The following FSTL4 variants were observed in gnomAD, a reference collection of about 807,000 sequenced individuals.
FSTL4 encodes the protein follistatin like 4.
A neutral mutation model predicts 78.2 loss-of-function variants in FSTL4; 28 were observed. That is an observed-to-expected ratio of 0.36 (90% CI 0.27 to 0.49). The LOEUF is 0.49. Among genes scored for constraint, FSTL4 ranks in the 20% least tolerant of loss-of-function variants. The pLI is 0.98. For synonymous variants in FSTL4, 422 were observed against 440.5 expected, an observed-to-expected ratio of 0.96 and a Z score of 0.53; for missense variants, 922 against 1,084.9, an observed-to-expected ratio of 0.85 and a Z score of 2.11.
chr5:133,476,490 C>T (rs1757927228), intron 3 of FSTL4, among the ~76,000 whole-genome samples: 1 of 152,164 alleles, frequency 6.6e-6, no homozygotes, highest in African/African-American at 2.4e-5. Context: ...AAGTTTGTTC[C>T]TCCAATCCCC....
intron 3 of FSTL4, among the ~76,000 whole-genome samples, chr5:133,430,300 T>C (rs1052536122): frequency 2.6e-5 from 4 of 152,228 alleles, no homozygotes; most frequent in African/African-American, 9.6e-5. Flanking sequence ...TGCTCCAGTT[T>C]GAGTGGCCCT....
chr5:133,328,392 CCT>C (rs1423245740), intron 4 of FSTL4, among the ~76,000 whole-genome samples: 1 of 152,168 alleles, frequency 6.6e-6, no homozygotes, highest in African/African-American at 2.4e-5. Flanking sequence ...CATTTACAAT[CCT>C]CTCTTTTATT....
At chr5:133,761,877 C>A in the FSTL4 span, among the ~76,000 whole-genome samples, 1 of 152,264 alleles carries the variant, frequency 6.6e-6, no homozygotes, top group East Asian at 1.9e-4. Flanking sequence ...TCCTCCGAGA[C>A]CTCGACACAC....
At chr5:133,827,694 G>A in the FSTL4 span, among the ~76,000 whole-genome samples, 2 of 151,746 alleles carry the variant, frequency 1.3e-5, no homozygotes. Context: ...ACAAAGCCAT[G>A]GGTTTCTTCC....
At chr5:133,606,382 A>G (rs1760978465) in intron 1 of FSTL4, among the ~76,000 whole-genome samples, 1 of 152,138 alleles carries the variant, frequency 6.6e-6, no homozygotes, top group Admixed American at 6.5e-5. Flanking sequence ...GGCCTCCCAA[A>G]GTGCTGGTAT....
At chr5:133,709,205 G>A in the FSTL4 span, among the ~76,000 whole-genome samples, 2 of 152,196 alleles carry the variant, frequency 1.3e-5, no homozygotes, top group East Asian at 3.9e-4. Flanking sequence ...CACTTTAGAA[G>A]GAACTAAGAA....
At chr5:133,816,535 G>A in the FSTL4 span, among the ~76,000 whole-genome samples, 2 of 152,136 alleles carry the variant, frequency 1.3e-5, no homozygotes, top group South Asian at 2.1e-4. Flanking sequence ...CACATCGATC[G>A]GCTCCCAGGC....
At chr5:133,701,507 A>C in the FSTL4 span, among the ~76,000 whole-genome samples, 69 of 102,770 alleles carry the variant, frequency 6.7e-4, 2 homozygotes, top group Middle Eastern at 9.0e-3. Flanking sequence ...ACACACACAC[A>C]CACCCCACAG....
intron 4 of FSTL4, among the ~76,000 whole-genome samples, chr5:133,383,867 T>TG (rs1369963853): frequency 6.6e-5 from 10 of 152,254 alleles, no homozygotes; most frequent in Non-Finnish European, 1.0e-4. Flanking sequence ...CAGCAGCCTC[T>TG]GTGCTCTGCC....
At chr5:133,778,314 CCT>C in the FSTL4 span, among the ~76,000 whole-genome samples, 1 of 151,984 alleles carries the variant, frequency 6.6e-6, no homozygotes, top group Non-Finnish European at 1.5e-5. Context: ...ATTCTTTTTG[CCT>C]CACGCAGAAA....
At chr5:133,612,624 C>T (rs1307083943), upstream of FSTL4, 1 of 151,822 alleles carries the variant, frequency 6.6e-6, no homozygotes, top group African/African-American at 2.4e-5. This position sits in a 1 kb window ranked among gnomAD's most constrained non-coding sequence, Gnocchi z 6.2. Flanking sequence ...GCCCGCCCGC[C>T]AGCCGGTCAG....
the FSTL4 span, among the ~76,000 whole-genome samples, chr5:133,723,603 G>A: frequency 6.6e-6 from 1 of 152,194 alleles, no homozygotes; most frequent in South Asian, 2.1e-4. Flanking sequence ...TGCCTCAGCA[G>A]CTCACACTAT....
rs77328002 is a variant in FSTL4 at position 133,428,205 on chromosome 5, T to C, written c.161-27219A>G. Among the ~76,000 whole-genome samples, 381 of 152,292 alleles carry C rather than the reference T, an allele frequency of 2.5e-3. 2 individuals carry two copies. The highest frequency in any genetic ancestry group is 3.5e-3 in the Non-Finnish European group (239 of 68,028). On this transcript the variant is annotated intron_variant, in intron 3 of 15. Transcript: ENST00000265342. ...TGTGTATAAAAGGGATTGCAGCCAATGTGTGGAACTGGCAGGACTCTTGAT... is the reference window on the plus strand; with the variant it reads ...TGTGTATAAAAGGGATTGCAGCCAACGTGTGGAACTGGCAGGACTCTTGAT...
chr5:133,760,764 G>A, the FSTL4 span, among the ~76,000 whole-genome samples: 2 of 152,038 alleles, frequency 1.3e-5, no homozygotes, highest in Non-Finnish European at 2.9e-5. Flanking sequence ...AAAACCTAGA[G>A]AGGAAAAAAA....
At chr5:133,618,717 C>T in the FSTL4 span, among the ~76,000 whole-genome samples, 1 of 152,242 alleles carries the variant, frequency 6.6e-6, no homozygotes, top group African/African-American at 2.4e-5. Flanking sequence ...TTATCTAAGG[C>T]AATTTGGCTG....
the FSTL4 span, among the ~76,000 whole-genome samples, chr5:133,657,697 C>T: frequency 1.2e-4 from 18 of 151,028 alleles, no homozygotes; most frequent in Admixed American, 9.2e-4. Context: ...ATTTCATTAT[C>T]CTTTTTTACT....
chr5:133,383,989 A>T (rs1755639361), intron 4 of FSTL4, among the ~76,000 whole-genome samples: 1 of 152,224 alleles, frequency 6.6e-6, no homozygotes, highest in African/African-American at 2.4e-5. Context: ...TTAAGTGTTT[A>T]AATATAATTT....
At position 133,499,486 on chromosome 5, in the gene FSTL4, C is replaced by T. The variant is rs10035984; in HGVS notation, c.160+67700G>A. ...TCTGTGATCCGGGCTCTGAGGGTGG[C>T]GCGTCTAGTATCAGCTTGCACAAAT... On this transcript the variant is annotated intron_variant, in intron 3 of 15. Transcript: ENST00000265342. Among the ~76,000 whole-genome samples the T allele has an allele frequency of 8.5e-3, 1,295 of 151,966 alleles. 21 individuals carry two copies. The highest frequency in any genetic ancestry group is 0.029 in the African/African-American group (1,217 of 41,432).
the FSTL4 span, among the ~76,000 whole-genome samples, chr5:133,688,330 T>C: frequency 6.6e-6 from 1 of 152,186 alleles, no homozygotes; most frequent in Non-Finnish European, 1.5e-5. Flanking sequence ...GGAGAATTGC[T>C]TGAACCCAGG....
Sources: gnomAD v4.1 joint callset for allele counts (sites outside exome capture counted in the v4.1 genomes callset) on GRCh38, gnomAD v4.1.1 for gene constraint, Gnocchi (gnomAD v3.1) non-coding constraint, MANE v1.5 for transcripts, NCBI Gene and HGNC (gene_info 2026-07-23, HGNC 2026-07-21) for gene names.